Variants in HTD2 observed in about 807,000 individuals in gnomAD.
The protein encoded by HTD2 is hydroxyacyl-thioester dehydratase type 2, mitochondrial.
In HTD2, 1 loss-of-function variant was observed where a neutral mutation model predicts 3.1. The observed-to-expected ratio is 0.32, with a 90% CI of 0.11 to 1.52. The LOEUF is 1.52. Among genes scored for constraint, HTD2 ranks in the 40% most tolerant of loss-of-function variants. HTD2 has a pLI of 0.39. For missense variants in HTD2, 150 were observed against 79.6 expected (o/e 1.88, Z -3.36); for synonymous variants, 50 against 28.9 (o/e 1.73, Z -2.34).
chr3:58,309,673 C>T (rs975716457), intron 1 of HTD2, among the ~76,000 whole-genome samples: 4 of 152,118 alleles, frequency 2.6e-5, no homozygotes, highest in African/African-American at 9.7e-5. Flanking sequence ...AGGCGTATCA[C>T]GAGGTCAGGA....
Position 58,316,507 on chromosome 3 carries a change from A to G in HTD2, c.-330-8A>G, listed in dbSNP as rs75194160. On this transcript the variant is annotated splice_region_variant and splice_polypyrimidine_tract_variant and intron_variant, in intron 2 of 4. Coordinates refer to ENST00000461393, the MANE Select transcript of HTD2 (RefSeq NM_001348712.2). The stretch of plus-strand genomic sequence containing the variant: ...AATAGCCTGCTAATAGCATTATTCC[A>G]TATGCAGGTTGATGCCGCCTTACCT... The G allele has an allele frequency of 3.5e-4, 560 of 1,609,442 alleles. 2 individuals carry two copies. In the African/African-American group the frequency reaches 5.6e-3, roughly 16 times the overall value.
At chr3:58,307,852 G>A (rs2097477213) in intron 1 of HTD2, 1 of 149,634 alleles carries the variant, frequency 6.7e-6, no homozygotes, top group Admixed American at 6.7e-5. Flanking sequence ...GGGCAGTGCT[G>A]TCATTTGTAA....
At chr3:58,306,798 T>G (rs9871725) in intron 1 of HTD2, 147 bp downstream of exon 1, 10,735 of 152,178 alleles carry the variant, frequency 0.071, 497 homozygotes, top group South Asian at 0.1. Context: ...TTTAGGGCCT[T>G]GGGAAACAGC....
chr3:58,306,532 C>G lies in HTD2; in HGVS notation c.-535C>G, dbSNP rs377465769. Reference sequence around the variant, plus strand: ...CCTTGGGTAGCTTGTCCTCTCCGACCCCGGGCGCTGAGGGCCTCTGTACGG... The same window carrying G: ...CCTTGGGTAGCTTGTCCTCTCCGACGCCGGGCGCTGAGGGCCTCTGTACGG... On this transcript the variant is annotated 5_prime_UTR_variant, in exon 1 of 5. Transcript: ENST00000461393. 5 of 152,250 alleles carry G rather than the reference C, an allele frequency of 3.3e-5. No individual in the cohort carries two copies. The highest frequency in any genetic ancestry group is 3.3e-4 in the Admixed American group (5 of 15,312). 9.4% of individuals were successfully genotyped at this position (152,250 alleles called of 1,614,324 possible).
rs1249785388 is a variant in HTD2 at position 58,316,961 on chromosome 3, A to C, written c.-207A>C. The C allele has an allele frequency of 6.2e-7, 1 of 1,613,890 alleles. No individual in the cohort carries two copies. Among genetic ancestry groups the C allele is most frequent in the Non-Finnish European group, 8.5e-7 (1 of 1,179,918 alleles). On this transcript the variant is annotated 5_prime_UTR_variant, in exon 4 of 5. Coordinates refer to ENST00000461393, the MANE Select transcript of HTD2 (RefSeq NM_001348712.2). ...CTCTTTGACCCTGTTAGGATCCTAT[A>C]AAGGCAAAAAATGTGCTTTCCGGGT...
intron 1 of HTD2, chr3:58,310,294 C>G: frequency 6.3e-7 from 1 of 1,590,512 alleles, no homozygotes; most frequent in Non-Finnish European, 8.6e-7. Flanking sequence ...TTCTAGCCCT[C>G]TTGACTTACT....
At chr3:58,306,738 A>T (rs1025611400) in intron 1 of HTD2, 87 bp downstream of exon 1, 20 of 152,270 alleles carry the variant, frequency 1.3e-4, no homozygotes, top group African/African-American at 4.8e-4. Context: ...AAAGTGATTG[A>T]TTTAGTCCAA....
chr3:58,314,675 A>AAT (rs2097486311), intron 2 of HTD2, among the ~76,000 whole-genome samples: 3 of 90,560 alleles, frequency 3.3e-5, no homozygotes, highest in African/African-American at 1.3e-4. Context: ...GTTTGGCAGT[A>AAT]TTTTTTTTTT....
At chr3:58,312,416 C>G (rs539478201) in intron 2 of HTD2, among the ~76,000 whole-genome samples, 9 of 149,310 alleles carry the variant, frequency 6.0e-5, no homozygotes, top group Non-Finnish European at 1.0e-4. Context: ...CCTGCCACCA[C>G]GCCCAGCTAA....
chr3:58,316,607 G>A lies in HTD2; in HGVS notation c.-254+16G>A, dbSNP rs750940229. 6.2e-7 allele frequency: 1 copy of A among 1,605,710 alleles called. No homozygotes were observed. Among genetic ancestry groups the A allele is most frequent in the East Asian group, 2.2e-5 (1 of 44,818 alleles). The stretch of plus-strand genomic sequence containing the variant: ...TATGTAGCAGGTATGACAGAGAGTG[G>A]GAAATTTCTAGTATAACAGGGCAGA... On this transcript the variant is annotated intron_variant, in intron 3 of 4. Transcript: ENST00000461393.
rs1018220257 is a variant in HTD2 at position 58,319,648 on chromosome 3, G to T, written c.*1528G>T. The T allele has an allele frequency of 2.0e-5, 3 of 149,218 alleles. No homozygotes were observed. Among genetic ancestry groups the T allele is most frequent in the South Asian group, 2.1e-4 (1 of 4,738 alleles). 9.2% of individuals were successfully genotyped at this position (149,218 alleles called of 1,614,324 possible). A position where few individuals can be genotyped will look rare whatever the true frequency, so the allele number is the denominator to read the frequency against. On this transcript the variant is annotated 3_prime_UTR_variant, in exon 5 of 5. Coordinates refer to ENST00000461393, the MANE Select transcript of HTD2 (RefSeq NM_001348712.2). Reference sequence around the variant, plus strand: ...TGCTTATAGTAAAAAAAAAAAAATTGTAAGAAATAAATATTAAGAAGATTA... The same window carrying T: ...TGCTTATAGTAAAAAAAAAAAAATTTTAAGAAATAAATATTAAGAAGATTA...
At chr3:58,311,150 T>C (rs1389302700) in intron 2 of HTD2, among the ~76,000 whole-genome samples, 2 of 151,862 alleles carry the variant, frequency 1.3e-5, no homozygotes, top group Non-Finnish European at 2.9e-5. Flanking sequence ...TTGTTGTTGT[T>C]GTTGTTGTTG....
intron 1 of HTD2, among the ~76,000 whole-genome samples, chr3:58,307,481 T>A (rs1012767286): frequency 6.6e-6 from 1 of 152,176 alleles, no homozygotes; most frequent in African/African-American, 2.4e-5. Flanking sequence ...CCCAGCACTT[T>A]GAGGGGGCCG....
At chr3:58,317,355 C>A in intron 4 of HTD2, 85 bp from the exon 5 acceptor site, 1 of 871,346 alleles carries the variant, frequency 1.1e-6, no homozygotes, top group South Asian at 1.6e-5. Flanking sequence ...CTTTGTTTAT[C>A]CTGTAAAACT....
rs140979078 is a variant in HTD2, at chr3:58,316,524, G to A, written c.-321G>A. The stretch of plus-strand genomic sequence containing the variant: ...ATTATTCCATATGCAGGTTGATGCC[G>A]CCTTACCTTTGGACATCCTAACCTA... On this transcript the variant is annotated 5_prime_UTR_variant, in exon 3 of 5. Coordinates refer to ENST00000461393, the MANE Select transcript of HTD2 (RefSeq NM_001348712.2). The A allele has an allele frequency of 3.7e-5, 59 of 1,613,806 alleles. No homozygotes were observed. The highest frequency in any genetic ancestry group is 2.0e-4 in the African/African-American group (15 of 75,028).
Position 58,317,938 on chromosome 3 carries a change from T to A in HTD2, c.325T>A (p.Ser109Thr), listed in dbSNP as rs1416406817. The A allele has an allele frequency of 3.3e-5, 23 of 702,742 alleles. No homozygotes were observed. Among genetic ancestry groups the A allele is most frequent in the Non-Finnish European group, 5.2e-5 (20 of 384,978 alleles). 43.5% of individuals were successfully genotyped at this position (702,742 alleles called of 1,614,324 possible). Residue 109 changes from serine to threonine, a missense_variant, in exon 5 of 5, where the codon TCC becomes ACC. Ser to Thr is a moderately conservative substitution (Grantham distance 58). Transcript: ENST00000461393. ...KMPGPGCVFL[S>T]QEISFPAPLY... The stretch of plus-strand genomic sequence containing the variant: ...GCCAGGGCCAGGCTGTGTATTTCTT[T>A]CCCAGGAAATTAGCTTTCCAGCCCC...
intron 1 of HTD2, among the ~76,000 whole-genome samples, chr3:58,309,652 G>A (rs988044342): frequency 3.0e-4 from 45 of 152,238 alleles, no homozygotes; most frequent in Non-Finnish European, 2.9e-5. Flanking sequence ...GGCACTCTGG[G>A]AGGCCGAGGC....
intron 1 of HTD2, among the ~76,000 whole-genome samples, chr3:58,308,681 G>A (rs1308140923): frequency 6.6e-6 from 1 of 152,184 alleles, no homozygotes; most frequent in Non-Finnish European, 1.5e-5. Context: ...ACCCAGAGTG[G>A]TTTTGAAATG....
chr3:58,312,332 G>GCCCC lies in HTD2; in HGVS notation c.-331+1742_-331+1743insCCCC, dbSNP rs1217680908. 4.5e-3 allele frequency among the ~76,000 whole-genome samples: 380 copies of GCCCC among 85,054 alleles called. 1 individual carries two copies. Among genetic ancestry groups the GCCCC allele is most frequent in the East Asian group, 0.026 (18 of 682 alleles). 55.8% of individuals were successfully genotyped at this position (85,054 alleles called of 152,430 possible). On this transcript the variant is annotated intron_variant, in intron 2 of 4. Coordinates refer to ENST00000461393, the MANE Select transcript of HTD2 (RefSeq NM_001348712.2). ...GCTGGAGTGCAGTGGCACAACCTCC[G>GCCCC]CACCCCCCCCCGCCCCTCCCGGATT...
Sources: gnomAD v4.1 joint callset for allele counts (sites outside exome capture counted in the v4.1 genomes callset) on GRCh38, gnomAD v4.1.1 for gene constraint, MANE v1.5 for transcripts, NCBI Gene and HGNC (gene_info 2026-07-23, HGNC 2026-07-21) for gene names.